The following CSMD3 variants were observed in gnomAD, a reference collection of about 807,000 sequenced individuals.
The protein encoded by CSMD3 is CUB and Sushi multiple domains 3.
In CSMD3, 177 loss-of-function variants were observed where a neutral mutation model predicts 435.2. That is an observed-to-expected ratio of 0.41 (90% CI 0.36 to 0.46). The LOEUF (loss-of-function observed/expected upper bound fraction) is 0.46, where lower values mean the gene tolerates loss of function less well. CSMD3 is among the 20% of genes least tolerant of loss of function. The pLI is 0.34. For synonymous variants in CSMD3, 1,656 were observed against 1,520.5 expected (o/e 1.09, Z -2.07); for missense variants, 4,265 against 4,504.6 (o/e 0.95, Z 1.52).
At chr8:112,511,177 TTAAGTGCA>T (rs1823082320) in intron 28 of CSMD3, among the ~76,000 whole-genome samples, 1 of 152,158 alleles carries the variant, frequency 6.6e-6, no homozygotes, top group Non-Finnish European at 1.5e-5. Context: ...TTGTAGTCTA[TTAAGTGCA>T]TAACAGCATT....
chr8:112,583,423 A>G (rs1052871943), intron 23 of CSMD3, among the ~76,000 whole-genome samples: 1 of 152,016 alleles, frequency 6.6e-6, no homozygotes, highest in Non-Finnish European at 1.5e-5. Flanking sequence ...CTGTCAATGT[A>G]CTTTAAGGCA....
chr8:112,500,333 G>T (rs990020521), intron 30 of CSMD3, among the ~76,000 whole-genome samples: 1 of 151,970 alleles, frequency 6.6e-6, no homozygotes, highest in Admixed American at 6.6e-5. Context: ...TTTAGAAAAA[G>T]ATTTTTTAAA....
intron 22 of CSMD3, among the ~76,000 whole-genome samples, chr8:112,618,559 C>T (rs1475885105): frequency 3.3e-5 from 5 of 152,000 alleles, no homozygotes; most frequent in Admixed American, 3.3e-4. Context: ...GATAGTGCCC[C>T]CAAATCATTT....
At chr8:112,544,662 A>C (rs1489432485) in intron 27 of CSMD3, among the ~76,000 whole-genome samples, 1 of 152,168 alleles carries the variant, frequency 6.6e-6, no homozygotes, top group Non-Finnish European at 1.5e-5. Context: ...TGATTAAAAA[A>C]CTATTCTGGA....
intron 1 of CSMD3, among the ~76,000 whole-genome samples, chr8:113,360,878 T>C (rs555030498): frequency 6.6e-6 from 1 of 152,200 alleles, no homozygotes; most frequent in Non-Finnish European, 1.5e-5. Context: ...CGGCCGTGAC[T>C]TCAGTCTTAA....
At chr8:112,278,742 G>A (rs796126729) in intron 59 of CSMD3, among the ~76,000 whole-genome samples, 4 of 151,968 alleles carry the variant, frequency 2.6e-5, no homozygotes, top group Non-Finnish European at 4.4e-5. Flanking sequence ...AACAACCTTC[G>A]TTGTTGTTGC....
intron 1 of CSMD3, among the ~76,000 whole-genome samples, chr8:113,324,137 A>T (rs925141725): frequency 2.0e-5 from 3 of 152,262 alleles, no homozygotes; most frequent in Non-Finnish European, 4.4e-5. Flanking sequence ...AAGTTCAAAA[A>T]ATTTGCAGCC....
rs934805844 is a variant in CSMD3 at position 112,703,728 on chromosome 8, G to A, written c.1973-13678C>T. On this transcript the variant is annotated intron_variant, in intron 13 of 70. Transcript: ENST00000297405. The stretch of plus-strand genomic sequence containing the variant: ...TTGGGAATCTCATTACCTCAGCAAC[G>A]GGTTTACAAAGGTTGTGAAATATAG... 3.9e-5 allele frequency among the ~76,000 whole-genome samples: 6 copies of A among 152,000 alleles called. No individual in the cohort carries two copies. In the South Asian group the frequency reaches 6.2e-4, roughly 16 times the overall value.
At chr8:112,308,742 C>T (rs1216187282) in intron 50 of CSMD3, among the ~76,000 whole-genome samples, 2 of 151,978 alleles carry the variant, frequency 1.3e-5, no homozygotes, top group Non-Finnish European at 2.9e-5. Context: ...AAATAAAACA[C>T]CTGACCAAAC....
chr8:113,144,774 C>T (rs2091633436), intron 4 of CSMD3, among the ~76,000 whole-genome samples: 1 of 151,378 alleles, frequency 6.6e-6, no homozygotes, highest in African/African-American at 2.4e-5. Context: ...ATGTGTAAGG[C>T]CCTGGCCTAG....
chr8:112,805,102 T>C (rs557918512), intron 12 of CSMD3, among the ~76,000 whole-genome samples: 2 of 152,276 alleles, frequency 1.3e-5, no homozygotes, highest in East Asian at 3.9e-4. Context: ...GGGCCTCATA[T>C]TGGGAATAGG....
rs572897368 is a variant in CSMD3 at position 112,637,146 on chromosome 8, C to T, written c.3527-141G>A. ...GGGACTATATGAATAGCTATCAGAA[C>T]GTACAAATGGCACACATACGTTTCT... On this transcript the variant is annotated intron_variant, in intron 21 of 70. Coordinates refer to ENST00000297405, the MANE Select transcript of CSMD3 (RefSeq NM_198123.2). 3.6e-4 allele frequency: 248 copies of T among 684,752 alleles called. 3 individuals carry two copies. The highest frequency in any genetic ancestry group is 3.4e-3 in the South Asian group (213 of 61,886). The allele number at this position is 684,752 out of a possible 1,614,324, so 42.4% of individuals were successfully genotyped here. A position where few individuals can be genotyped will look rare whatever the true frequency, so the allele number is the denominator to read the frequency against.
intron 56 of CSMD3, 114 bp from the exon 57 acceptor site, chr8:112,289,652 C>T (rs181561959): frequency 2.9e-6 from 2 of 690,838 alleles, no homozygotes; most frequent in East Asian, 2.8e-5. Flanking sequence ...ACATCTAAAG[C>T]CTCCAGAAAT....
chr8:113,370,483 G>C lies in CSMD3; in HGVS notation c.179-55690C>G, dbSNP rs148023597. Among the ~76,000 whole-genome samples the C allele has an allele frequency of 9.2e-5, 14 of 151,484 alleles. No homozygotes were observed. In the East Asian group the frequency reaches 2.7e-3, roughly 29 times the overall value. On this transcript the variant is annotated intron_variant, in intron 1 of 70. Transcript: ENST00000297405. ...TACTGAAGCTTAACTTCACAAAAAG[G>C]CATATTGTGAAAGATCATTACAAAT...
At chr8:113,081,780 T>A (rs180775943) in intron 5 of CSMD3, among the ~76,000 whole-genome samples, 2 of 152,202 alleles carry the variant, frequency 1.3e-5, no homozygotes, top group East Asian at 3.9e-4. Flanking sequence ...GACCCAGCAG[T>A]ATAGCTGTAA....
At chr8:112,385,740 T>G (rs1376492684) in intron 36 of CSMD3, among the ~76,000 whole-genome samples, 1 of 152,098 alleles carries the variant, frequency 6.6e-6, no homozygotes, top group African/African-American at 2.4e-5. Context: ...AAGGAAAAAT[T>G]TGAGAATAAT....
chr8:112,980,480 C>T (rs1170921361), intron 6 of CSMD3, among the ~76,000 whole-genome samples: 5 of 150,980 alleles, frequency 3.3e-5, no homozygotes, highest in East Asian at 1.9e-4. Context: ...AAGTAAAATG[C>T]CATAAATGTT....
intron 5 of CSMD3, among the ~76,000 whole-genome samples, chr8:113,032,806 C>T (rs1010727464): frequency 7.9e-5 from 12 of 151,488 alleles, no homozygotes; most frequent in African/African-American, 1.7e-4. Flanking sequence ...AGCAGCTCCT[C>T]CCATTCCAGG....
At position 113,202,274 on chromosome 8, in the gene CSMD3, G is replaced by C. The variant is rs150445884; in HGVS notation, c.515-28358C>G. ...TGTTATTTCTTCTTAGTCTTGCTTG[G>C]ATCTCTCAAATTATAGTTCTCTAAC... On this transcript the variant is annotated intron_variant, in intron 3 of 70. Coordinates refer to ENST00000297405, the MANE Select transcript of CSMD3 (RefSeq NM_198123.2). Among the ~76,000 whole-genome samples the C allele has an allele frequency of 2.6e-5, 4 of 152,188 alleles. No individual in the cohort carries two copies. In the East Asian group the frequency reaches 7.7e-4, roughly 29 times the overall value.
Sources: gnomAD v4.1 joint callset for allele counts (sites outside exome capture counted in the v4.1 genomes callset) on GRCh38, gnomAD v4.1.1 for gene constraint, MANE v1.5 for transcripts, NCBI Gene and HGNC (gene_info 2026-07-23, HGNC 2026-07-21) for gene names.